The following KCNMB4 variants were observed in gnomAD, a reference collection of about 807,000 sequenced individuals.
KCNMB4 encodes the protein potassium calcium-activated channel subfamily M regulatory beta subunit 4.
In KCNMB4, 3 loss-of-function variants were observed where a neutral mutation model predicts 20.7. The ratio of observed to expected loss-of-function variants is 0.14; its 90% CI spans 0.07 to 0.37. The LOEUF (loss-of-function observed/expected upper bound fraction) is 0.37. KCNMB4 is among the 10% of genes least tolerant of loss of function. The probability of loss-of-function intolerance (pLI) is 1.00; values close to 1 mark genes in which losing one functional copy is unlikely to be tolerated. For missense variants in KCNMB4, 168 were observed against 265.9 expected (o/e 0.63, Z 2.56); for synonymous variants, 110 against 113.4 (o/e 0.97, Z 0.19).
intron 1 of KCNMB4, among the ~76,000 whole-genome samples, chr12:70,397,177 G>A (rs1868361313): frequency 6.6e-6 from 1 of 152,094 alleles, no homozygotes; most frequent in Non-Finnish European, 1.5e-5. Flanking sequence ...AACCAAAGGA[G>A]ACAGACACCT....
intron 2 of KCNMB4, among the ~76,000 whole-genome samples, chr12:70,415,263 G>A (rs998148177): frequency 2.6e-5 from 4 of 152,186 alleles, no homozygotes; most frequent in African/African-American, 9.7e-5. Flanking sequence ...AAACCTCTTA[G>A]TTCCAGAAGC....
At chr12:70,411,243 A>G (rs1388552657) in intron 2 of KCNMB4, among the ~76,000 whole-genome samples, 5 of 152,160 alleles carry the variant, frequency 3.3e-5, no homozygotes, top group African/African-American at 1.2e-4. Context: ...GGGAGAGGCA[A>G]TTAGTAAAGA....
intron 2 of KCNMB4, among the ~76,000 whole-genome samples, chr12:70,429,244 A>G (rs952720723): frequency 4.6e-5 from 7 of 152,246 alleles, no homozygotes; most frequent in Non-Finnish European, 8.8e-5. Context: ...TCTTAAGGGC[A>G]GTTGGACTCA....
Position 70,431,289 on chromosome 12 carries a change from A to T in KCNMB4, c.*636A>T, listed in dbSNP as rs1002481090. The T allele has an allele frequency of 3.3e-5, 5 of 152,140 alleles. No individual in the cohort carries two copies. Among genetic ancestry groups the T allele is most frequent in the Admixed American group, 3.3e-4 (5 of 15,270 alleles). 9.4% of individuals were successfully genotyped at this position (152,140 alleles called of 1,614,324 possible). A position where few individuals can be genotyped will look rare whatever the true frequency, so the allele number is the denominator to read the frequency against. ...CAAGAGATTCTAAAAGATTGGGAAA[A>T]CATATCCTCCAACACCTGCCTTTGC... On this transcript the variant is annotated 3_prime_UTR_variant, in exon 3 of 3. Coordinates refer to ENST00000258111, the MANE Select transcript of KCNMB4 (RefSeq NM_014505.6).
At chr12:70,415,912 C>T (rs969061653) in intron 2 of KCNMB4, among the ~76,000 whole-genome samples, 3 of 152,202 alleles carry the variant, frequency 2.0e-5, no homozygotes, top group Admixed American at 6.5e-5. Context: ...AGAGCCAACA[C>T]ACAAATATGG....
At chr12:70,404,298 T>C (rs1430967447) in intron 2 of KCNMB4, among the ~76,000 whole-genome samples, 1 of 152,076 alleles carries the variant, frequency 6.6e-6, no homozygotes, top group Non-Finnish European at 1.5e-5. Flanking sequence ...AGTTAGAAAG[T>C]AACTGGTGTG....
At chr12:70,382,778 G>A (rs751176944) in intron 1 of KCNMB4, among the ~76,000 whole-genome samples, 103 of 152,278 alleles carry the variant, frequency 6.8e-4, no homozygotes, top group Non-Finnish European at 5.1e-4. Context: ...ATGAACATGC[G>A]TAGGCAGTTC....
intron 2 of KCNMB4, among the ~76,000 whole-genome samples, chr12:70,402,675 A>AG (rs947864826): frequency 6.8e-6 from 1 of 146,362 alleles, no homozygotes; most frequent in African/African-American, 2.5e-5. Context: ...AAAAAAAAAA[A>AG]GGAAGAAAGA....
At chr12:70,373,030 G>C (rs925159137) in intron 1 of KCNMB4, among the ~76,000 whole-genome samples, 4 of 152,282 alleles carry the variant, frequency 2.6e-5, no homozygotes, top group African/African-American at 9.6e-5. Context: ...GGATGGACTG[G>C]TGTGTGTGGA....
At chr12:70,370,857 T>C (rs1399951558) in intron 1 of KCNMB4, among the ~76,000 whole-genome samples, 1 of 151,972 alleles carries the variant, frequency 6.6e-6, no homozygotes, top group East Asian at 1.9e-4. Context: ...TATGGTTATT[T>C]CATTTATTTA....
chr12:70,413,476 GACTCC>G lies in KCNMB4; in HGVS notation c.464+13147_464+13151del, dbSNP rs144664767. On this transcript the variant is annotated intron_variant, in intron 2 of 2. Coordinates refer to ENST00000258111, the MANE Select transcript of KCNMB4 (RefSeq NM_014505.6). The stretch of plus-strand genomic sequence containing the variant: ...TGCAGGGCAGGGCTGTGCGTCAGGA[GACTCC>G]ACTCCATTTCTATCCATGGCTCTCT... 0.012 allele frequency among the ~76,000 whole-genome samples: 1,776 copies of G among 152,188 alleles called. 102 individuals carry two copies. The East Asian group carries it at 0.17, about 15-fold the overall frequency.
intron 1 of KCNMB4, among the ~76,000 whole-genome samples, chr12:70,398,560 C>T (rs147541642): frequency 1.3e-5 from 2 of 152,256 alleles, no homozygotes; most frequent in East Asian, 1.9e-4. Context: ...ATTAAAATAA[C>T]ATTTGCATAA....
chr12:70,401,243 A>G (rs1868441475), intron 2 of KCNMB4, among the ~76,000 whole-genome samples: 1 of 152,030 alleles, frequency 6.6e-6, no homozygotes, highest in Non-Finnish European at 1.5e-5. Flanking sequence ...CCAGGCTGGT[A>G]TCTAACTCCT....
At chr12:70,413,952 G>C (rs1020704635) in intron 2 of KCNMB4, among the ~76,000 whole-genome samples, 10 of 152,120 alleles carry the variant, frequency 6.6e-5, no homozygotes, top group Non-Finnish European at 1.5e-4. Context: ...TTAAGTTTTG[G>C]GCTGGGTGCG....
At chr12:70,394,764 T>G (rs992109002) in intron 1 of KCNMB4, among the ~76,000 whole-genome samples, 22 of 152,164 alleles carry the variant, frequency 1.4e-4, no homozygotes, top group Non-Finnish European at 2.6e-4. Flanking sequence ...CTTCCTGGTC[T>G]CAAGCAGTCC....
At chr12:70,416,681 T>C (rs866146279) in intron 2 of KCNMB4, among the ~76,000 whole-genome samples, 22 of 152,216 alleles carry the variant, frequency 1.4e-4, no homozygotes, top group Admixed American at 7.2e-4. Context: ...TTCAAGATGT[T>C]TAATGCATTT....
intron 2 of KCNMB4, among the ~76,000 whole-genome samples, chr12:70,412,784 A>G (rs1868816233): frequency 6.6e-6 from 1 of 152,222 alleles, no homozygotes; most frequent in South Asian, 2.1e-4. Flanking sequence ...TTTTGTTGAC[A>G]TTGGAATGAA....
chr12:70,429,345 TACAAAATGTAAAC>T (rs1435073648), intron 2 of KCNMB4, among the ~76,000 whole-genome samples: 3 of 152,174 alleles, frequency 2.0e-5, no homozygotes, highest in Admixed American at 6.5e-5. Flanking sequence ...GGAAATATCT[TACAAAATGTAAAC>T]CTCTTGTATT....
chr12:70,396,266 C>A (rs1868349870), intron 1 of KCNMB4, among the ~76,000 whole-genome samples: 1 of 152,202 alleles, frequency 6.6e-6, no homozygotes, highest in Non-Finnish European at 1.5e-5. Context: ...ACTCTGCAGT[C>A]TGAATCCCAG....
Sources: gnomAD v4.1 joint callset for allele counts (sites outside exome capture counted in the v4.1 genomes callset) on GRCh38, gnomAD v4.1.1 for gene constraint, MANE v1.5 for transcripts, NCBI Gene and HGNC (gene_info 2026-07-23, HGNC 2026-07-21) for gene names.